Variants in MOV10 observed in about 807,000 individuals in gnomAD.
MOV10 encodes the protein RNA helicase MOV-10.
MOV10 carries 39 observed loss-of-function variants against 108.4 expected under a neutral mutation model. The ratio of observed to expected loss-of-function variants is 0.36; its 90% CI spans 0.28 to 0.47. The LOEUF (loss-of-function observed/expected upper bound fraction) is 0.47. Ranked by LOEUF, MOV10 falls within the 20% of genes least tolerant of loss-of-function variation. The pLI, the probability that MOV10 is intolerant of heterozygous loss-of-function variation, is 1.00. For synonymous variants in MOV10, 490 were observed against 523.1 expected (o/e 0.94, Z 0.86); for missense variants, 952 against 1,297.6 (o/e 0.73, Z 4.09).
intron 2 of MOV10, among the ~76,000 whole-genome samples, chr1:112,683,668 G>A (rs72986505): frequency 0.031 from 4,742 of 152,184 alleles, 265 homozygotes; most frequent in African/African-American, 0.11. Flanking sequence ...CCAGTGTTTC[G>A]TATTGTGAGC....
chr1:112,694,917 T>C lies in MOV10; in HGVS notation c.1620+21T>C. Reference sequence around the variant, plus strand: ...AGCAGGTGGGGTCTGAGCACAAACCTGGGGCCTGCACTCTGATTCCCCCAG... The same window carrying C: ...AGCAGGTGGGGTCTGAGCACAAACCCGGGGCCTGCACTCTGATTCCCCCAG... On this transcript the variant is annotated intron_variant, in intron 10 of 20. Coordinates refer to ENST00000369645, the MANE Select transcript of MOV10 (RefSeq NM_001321324.2). This position sits in a 1 kb window ranked among gnomAD's most constrained non-coding sequence, Gnocchi z 4.1. The C allele has an allele frequency of 6.2e-7, 1 of 1,607,688 alleles. No homozygotes were observed. The highest frequency in any genetic ancestry group is 2.2e-5 in the East Asian group (1 of 44,734).
At chr1:112,693,072 T>TGCCCA in intron 7 of MOV10, 143 bp downstream of exon 7, 4 of 749,616 alleles carry the variant, frequency 5.3e-6, no homozygotes, top group African/African-American at 1.8e-5. Flanking sequence ...AGGGTGGGCA[T>TGCCCA]CCTGTGCCCA....
At chr1:112,682,203 TTTG>T (rs1052613983) in intron 2 of MOV10, among the ~76,000 whole-genome samples, 1 of 152,082 alleles carries the variant, frequency 6.6e-6, no homozygotes, top group African/African-American at 2.4e-5. Context: ...CCATGGGTTT[TTTG>T]TTGTTGTTGT....
At chr1:112,677,464 T>C (rs1374112738) in intron 2 of MOV10, among the ~76,000 whole-genome samples, 1 of 152,090 alleles carries the variant, frequency 6.6e-6, no homozygotes, top group Non-Finnish European at 1.5e-5. Flanking sequence ...CAGTAGGAAT[T>C]ACTTGCTTTT....
chr1:112,689,295 G>C, intron 3 of MOV10, 120 bp from the exon 4 acceptor site: 1 of 1,218,116 alleles, frequency 8.2e-7, no homozygotes, highest in Non-Finnish European at 1.2e-6. Context: ...CTGGGAGGGG[G>C]TGAGTTTCCT....
At chr1:112,698,883 C>T in intron 17 of MOV10, 94 bp downstream of exon 17, 2 of 998,882 alleles carry the variant, frequency 2.0e-6, no homozygotes, top group Non-Finnish European at 1.6e-6. Context: ...CAGCCCACGT[C>T]CCCGTCCCAC....
At chr1:112,699,544 C>T (rs1674439408) in intron 17 of MOV10, 141 bp from the exon 18 acceptor site, 7 of 1,497,730 alleles carry the variant, frequency 4.7e-6, no homozygotes, top group Non-Finnish European at 6.2e-6. Context: ...TTCCCTGGGC[C>T]GTGTCGCAGC....
Position 112,695,439 on chromosome 1 carries a change from C to T in MOV10, c.1644C>T (p.Ala548=). The T allele has an allele frequency of 6.2e-7, 1 of 1,614,130 alleles. No homozygotes were observed. Among genetic ancestry groups the T allele is most frequent in the Non-Finnish European group, 8.5e-7 (1 of 1,180,008 alleles). The change falls in exon 11 of 21, where the codon GCC becomes GCT. Residue 548 remains alanine (A), a synonymous_variant. Coordinates refer to ENST00000369645, the MANE Select transcript of MOV10 (RefSeq NM_001321324.2). Reference sequence around the variant, plus strand: ...AGGTGGTGAAGCACTTGCCCAAAGCCCACATCTTGGCCTGCGCTCCATCCA... The same window carrying T: ...AGGTGGTGAAGCACTTGCCCAAAGCTCACATCTTGGCCTGCGCTCCATCCA... The part of the protein sequence containing the change: ...IKQVVKHLPK[A]HILACAPSNS...
In MOV10 at chr1:112,692,947, G is replaced by T. The variant is rs770091217; in HGVS notation, c.1140+18G>T. 6.3e-7 allele frequency: 1 copy of T among 1,596,310 alleles called. No individual in the cohort carries two copies. Among genetic ancestry groups the T allele is most frequent in the East Asian group, 2.3e-5 (1 of 43,970 alleles). On this transcript the variant is annotated intron_variant, in intron 7 of 20. Transcript: ENST00000369645. ...CGCTGGAGGTCAGGGCTCAGATTGA[G>T]TGTGAGGAGGGTGGGCTCAAGCCAG... is the stretch of plus-strand genomic sequence containing the variant.
At chr1:112,697,888 G>A (rs542288787) in intron 14 of MOV10, 106 bp from the exon 15 acceptor site, 11 of 862,014 alleles carry the variant, frequency 1.3e-5, no homozygotes, top group South Asian at 4.3e-5. Context: ...GGGAGCCAGC[G>A]GGGTAGCAGG....
At chr1:112,674,615 G>C (rs947605440), upstream of MOV10, 3 of 269,326 alleles carry the variant, frequency 1.1e-5, no homozygotes, top group Non-Finnish European at 2.1e-5. Context: ...CTAGAAGCCA[G>C]GGGAGGGAGC....
At chr1:112,688,230 C>G in intron 2 of MOV10, 1 of 406,904 alleles carries the variant, frequency 2.5e-6, no homozygotes, top group South Asian at 1.0e-4. Flanking sequence ...TAACAGGCCT[C>G]CGTAAGTGTT....
rs199731199 is a variant in MOV10, at chr1:112,694,083, C to T, written c.1206C>T (p.Ser402=). 6.2e-7 allele frequency: 1 copy of T among 1,614,022 alleles called. No homozygotes were observed. ...LRGDHLFALL[S]SETHQEDPIT... ...GCGACCACCTGTTTGCCCTTTTGTC[C>T]TCGGAGACACACCAGGAGGACCCCA... The change falls in exon 8 of 21, where the codon TCC becomes TCT. Residue 402 remains serine, a synonymous_variant. Coordinates refer to ENST00000369645, the MANE Select transcript of MOV10 (RefSeq NM_001321324.2). The surrounding 1 kb of genome is among the most constrained non-coding windows in gnomAD (Gnocchi z 4.1).
At chr1:112,692,573 G>A (rs1673679231) in intron 6 of MOV10, among the ~76,000 whole-genome samples, 188 bp from the exon 7 acceptor site, 1 of 152,200 alleles carries the variant, frequency 6.6e-6, no homozygotes, top group Non-Finnish European at 1.5e-5. Context: ...ATCCAAGGAA[G>A]CAGGAGCCAA....
In MOV10 at chr1:112,694,250, T is replaced by A; in HGVS notation, c.1295+78T>A. The stretch of plus-strand genomic sequence containing the variant: ...CCAGGGGAGGAGGAGTGTTTCTCCC[T>A]GAGATAAATGAGACCCCGGGGCAGA... On this transcript the variant is annotated intron_variant, in intron 8 of 20. Coordinates refer to ENST00000369645, the MANE Select transcript of MOV10 (RefSeq NM_001321324.2). The surrounding 1 kb of genome is among the most constrained non-coding windows in gnomAD (Gnocchi z 4.1). 1.3e-6 allele frequency: 2 copies of A among 1,544,744 alleles called. No individual in the cohort carries two copies. The highest frequency in any genetic ancestry group is 1.8e-6 in the Non-Finnish European group (2 of 1,121,266).
chr1:112,698,156 C>T (rs763617654), intron 15 of MOV10, 45 bp downstream of exon 15: 2 of 1,600,440 alleles, frequency 1.2e-6, no homozygotes, highest in South Asian at 2.2e-5. Flanking sequence ...CCTGACTTCC[C>T]TCCCACTGAA....
In MOV10 at chr1:112,689,159, G is replaced by C. The variant is rs1180711031; in HGVS notation, c.341+21G>C. On this transcript the variant is annotated intron_variant, in intron 3 of 20. Coordinates refer to ENST00000369645, the MANE Select transcript of MOV10 (RefSeq NM_001321324.2). ...GACAGGTGTGTGTGTGTTGTATGTT[G>C]TGTGTACGGGGAGGTCTGCAGGGTG... is the stretch of plus-strand genomic sequence containing the variant. 4.5e-6 allele frequency: 7 copies of C among 1,572,418 alleles called. No individual in the cohort carries two copies. In the South Asian group the frequency reaches 8.0e-5, roughly 18 times the overall value.
intron 5 of MOV10, among the ~76,000 whole-genome samples, chr1:112,690,495 G>A (rs1189232805): frequency 6.6e-6 from 1 of 152,088 alleles, no homozygotes; most frequent in African/African-American, 2.4e-5. Flanking sequence ...GAGTAGCTGG[G>A]ATTACAGGCG....
chr1:112,691,557 C>T (rs3795819), intron 5 of MOV10, 108 bp from the exon 6 acceptor site: 327,717 of 1,420,000 alleles, frequency 0.23, 41,956 homozygotes, highest in East Asian at 0.57. Context: ...GCTGACTTCC[C>T]TTCAGCAGTA....
Sources: allele counts gnomAD v4.1 joint callset (sites outside exome capture counted in the v4.1 genomes callset), GRCh38; gene constraint gnomAD v4.1.1; non-coding constraint Gnocchi (gnomAD v3.1); transcripts MANE v1.5; gene names NCBI Gene and HGNC (gene_info 2026-07-23, HGNC 2026-07-21).